VSIG1: variants seen among roughly 807,000 people sequenced by gnomAD.
VSIG1 encodes the protein V-set and immunoglobulin domain-containing protein 1.
In VSIG1, 11 loss-of-function variants were observed where a neutral mutation model predicts 20.1. That is an observed-to-expected ratio of 0.55 (90% CI 0.34 to 0.91). VSIG1 has a LOEUF of 0.91. Ranked by LOEUF, VSIG1 falls within the 40% of genes least tolerant of loss-of-function variation. The pLI, the probability that VSIG1 is intolerant of heterozygous loss-of-function variation, is 0.02. For synonymous variants in VSIG1, 126 were observed against 116.7 expected (o/e 1.08, Z -0.52); for missense variants, 283 against 298.8 (o/e 0.95, Z 0.39).
At chrX:108,074,334 T>C (rs1183382111) in intron 5 of VSIG1, among the ~76,000 whole-genome samples, 1 of 111,702 alleles carries the variant, frequency 9.0e-6, no homozygotes, top group Admixed American at 9.5e-5. Context: ...ATTCCCTCAA[T>C]ATCTTTTTGC....
At chrX:108,076,039 A>G (rs1157342922) in intron 5 of VSIG1, 38 bp from the exon 6 acceptor site, 3 of 1,204,140 alleles carry the variant, frequency 2.5e-6, no homozygotes, top group Non-Finnish European at 3.4e-6. Context: ...AAATGACAAT[A>G]TATTCCACTT....
intron 2 of VSIG1, among the ~76,000 whole-genome samples, chrX:108,066,467 T>G (rs1251560327): frequency 8.9e-5 from 10 of 111,861 alleles, no homozygotes; most frequent in Non-Finnish European, 1.7e-4. Context: ...GCATGAACAT[T>G]TGAACATTTA....
intron 1 of VSIG1, among the ~76,000 whole-genome samples, chrX:108,054,799 A>C (rs1198905810): frequency 9.1e-6 from 1 of 110,026 alleles, no homozygotes; most frequent in Non-Finnish European, 1.9e-5. Flanking sequence ...TGAAATATGT[A>C]CCATGTAGAT....
At chrX:108,059,782 G>T (rs2030983897) in intron 2 of VSIG1, among the ~76,000 whole-genome samples, 1 of 112,579 alleles carries the variant, frequency 8.9e-6, no homozygotes, top group African/African-American at 3.2e-5. Flanking sequence ...GACTAGTCTT[G>T]TCAACACATT....
chrX:108,047,875 T>TATATACAC (rs2030645479), intron 1 of VSIG1, among the ~76,000 whole-genome samples: 1 of 28,743 alleles, frequency 3.5e-5, no homozygotes, highest in Non-Finnish European at 5.3e-5. Flanking sequence ...TATATACACA[T>TATATACAC]ATATATATAT....
At chrX:108,074,377 G>C (rs758332167) in intron 5 of VSIG1, among the ~76,000 whole-genome samples, 1 of 111,657 alleles carries the variant, frequency 9.0e-6, no homozygotes, top group South Asian at 3.8e-4. Context: ...TGCAGATGTA[G>C]AGATATGTAG....
chrX:108,064,648 T>G, intron 2 of VSIG1: 1 of 544,451 alleles, frequency 1.8e-6, no homozygotes, highest in Non-Finnish European at 2.2e-6. Context: ...TGATGTTGTA[T>G]CTCATTGTGA....
chrX:108,031,317 A>G, the VSIG1 span, among the ~76,000 whole-genome samples: 1 of 112,228 alleles, frequency 8.9e-6, no homozygotes, highest in African/African-American at 3.2e-5. Flanking sequence ...CCTTCTTCAA[A>G]TACAGTATTA....
chrX:108,047,949 T>TACAC (rs2030670117), intron 1 of VSIG1, among the ~76,000 whole-genome samples: 4 of 28,568 alleles, frequency 1.4e-4, no homozygotes, highest in African/African-American at 6.6e-4. Context: ...TATATATATA[T>TACAC]ATATACACAC....
At chrX:108,020,288 A>G in the VSIG1 span, among the ~76,000 whole-genome samples, 1 of 110,616 alleles carries the variant, frequency 9.0e-6, no homozygotes, top group South Asian at 3.8e-4. Flanking sequence ...CCATTTGGCT[A>G]TTGGAAGCCG....
the VSIG1 span, among the ~76,000 whole-genome samples, chrX:108,027,353 A>C: frequency 8.9e-6 from 1 of 112,333 alleles, no homozygotes; most frequent in South Asian, 3.7e-4. Flanking sequence ...GTATTGATAC[A>C]TTCTACAACA....
rs1265978025 is a variant in VSIG1 at position 108,063,158 on chromosome X, T to C, written c.214-3778T>C. Among the ~76,000 whole-genome samples, 11 of 111,715 alleles carry C rather than the reference T, an allele frequency of 9.8e-5. No individual in the cohort carries two copies. The Admixed American group carries it at 1.0e-3, about 11-fold the overall frequency. On this transcript the variant is annotated intron_variant, in intron 2 of 6. Coordinates refer to ENST00000217957, the MANE Select transcript of VSIG1 (RefSeq NM_182607.5). Reference sequence around the variant, plus strand: ...TATTGAGGGCATCATGTGGTGAACATACTCAGCATGGGAAGCATCATGCCA... The same window carrying C: ...TATTGAGGGCATCATGTGGTGAACACACTCAGCATGGGAAGCATCATGCCA...
the VSIG1 span, among the ~76,000 whole-genome samples, chrX:108,023,306 G>T: frequency 9.0e-6 from 1 of 111,696 alleles, no homozygotes; most frequent in East Asian, 2.8e-4. Flanking sequence ...GTATTCCTGG[G>T]ATAAATCTTA....
At chrX:108,035,684 T>C in the VSIG1 span, among the ~76,000 whole-genome samples, 2 of 111,283 alleles carry the variant, frequency 1.8e-5, no homozygotes, top group East Asian at 5.6e-4. Context: ...ATTTGTTTTC[T>C]GTGTAGCATA....
Position 108,072,802 on chromosome X carries a change from A to G in VSIG1, c.538A>G (p.Arg180Gly), listed in dbSNP as rs1437292921. Residue 180 changes from arginine (R) to glycine (G), a missense_variant, in exon 4 of 7, where the codon AGA becomes GGA. Transcript: ENST00000217957. ...GTACTACTGGCATAAACTTGAGGGA[A>G]GAGACATCGTGCCAGTGAAAGAAAA... is the stretch of plus-strand genomic sequence containing the variant. ...PVYYWHKLEG[R>G]DIVPVKENFN... 8.3e-7 allele frequency: 1 copy of G among 1,210,737 alleles called. No homozygotes were observed. The highest frequency in any genetic ancestry group is 2.2e-5 in the Admixed American group (1 of 45,984).
At chrX:108,066,359 G>T (rs1356469913) in intron 2 of VSIG1, among the ~76,000 whole-genome samples, 4 of 111,064 alleles carry the variant, frequency 3.6e-5, no homozygotes, top group Non-Finnish European at 7.5e-5. Flanking sequence ...ATAAAGGGAT[G>T]GGACCAGATG....
At chrX:108,064,686 G>C in intron 2 of VSIG1, 2 of 718,899 alleles carry the variant, frequency 2.8e-6, no homozygotes, top group Non-Finnish European at 3.3e-6. Flanking sequence ...ATAAAACAGG[G>C]CTGATGTTTT....
chrX:108,028,265 C>A, the VSIG1 span, among the ~76,000 whole-genome samples: 2 of 111,559 alleles, frequency 1.8e-5, no homozygotes, highest in East Asian at 5.6e-4. Flanking sequence ...CTAGGATATA[C>A]CATGGCTTAG....
chrX:108,067,239 T>A, intron 3 of VSIG1, 105 bp downstream of exon 3: 1 of 829,532 alleles, frequency 1.2e-6, no homozygotes, highest in East Asian at 3.2e-5. Flanking sequence ...TAGGTAAATA[T>A]ACTCCCTAAT....
Sources: allele counts gnomAD v4.1 joint callset (sites outside exome capture counted in the v4.1 genomes callset), GRCh38; gene constraint gnomAD v4.1.1; transcripts MANE v1.5; gene names NCBI Gene and HGNC (gene_info 2026-07-23, HGNC 2026-07-21).